The following ZNF532 variants were observed in gnomAD, a reference collection of about 807,000 sequenced individuals.
ZNF532 encodes zinc finger protein 532.
Under a neutral mutation model 89.3 loss-of-function variants are expected in ZNF532, and 22 were observed. The ratio of observed to expected loss-of-function variants is 0.25; its 90% CI spans 0.18 to 0.35. ZNF532 has a LOEUF of 0.35. Among genes scored for constraint, ZNF532 ranks in the 10% least tolerant of loss-of-function variants. The pLI is 1.00. For missense variants in ZNF532, 1,132 were observed against 1,643.4 expected (o/e 0.69, Z 5.38); for synonymous variants, 606 against 649.6 (o/e 0.93, Z 1.02).
intron 2 of ZNF532, among the ~76,000 whole-genome samples, chr18:58,882,279 T>G (rs2071518023): frequency 6.6e-6 from 1 of 152,234 alleles, no homozygotes; most frequent in African/African-American, 2.4e-5. Flanking sequence ...ATTTGTTAAC[T>G]TGTTCTTTCC....
intron 6 of ZNF532, among the ~76,000 whole-genome samples, chr18:58,950,305 C>T (rs2064039362): frequency 6.6e-6 from 1 of 152,072 alleles, no homozygotes; most frequent in South Asian, 2.1e-4. Flanking sequence ...ATCCTGTGGC[C>T]ACAAGGAGGA....
At chr18:58,968,828 A>C (rs2066182840) in intron 7 of ZNF532, among the ~76,000 whole-genome samples, 1 of 152,324 alleles carries the variant, frequency 6.6e-6, no homozygotes, top group East Asian at 1.9e-4. Context: ...TTGGCCTAGA[A>C]TATAACTGTC....
Position 58,885,075 on chromosome 18 carries a change from G to A in ZNF532, c.-18+19496G>A, listed in dbSNP as rs369276809. Among the ~76,000 whole-genome samples, 11 of 148,494 alleles carry A rather than the reference G, an allele frequency of 7.4e-5. No homozygotes were observed. The South Asian group carries it at 1.1e-3, about 15-fold the overall frequency. On this transcript the variant is annotated intron_variant, in intron 2 of 9. Coordinates refer to ENST00000591808, the MANE Select transcript of ZNF532 (RefSeq NM_001375912.1). The stretch of plus-strand genomic sequence containing the variant: ...ATGATCACGGCTCACCGCAGCCTCC[G>A]CCTCCTGGGTTCAAGCGATTCTCTT...
chr18:58,917,887 CA>C (rs2060720044), intron 2 of ZNF532, among the ~76,000 whole-genome samples: 1 of 152,046 alleles, frequency 6.6e-6, no homozygotes, highest in African/African-American at 2.4e-5. Flanking sequence ...ATAATTTTGC[CA>C]GCAGAATTAA....
At chr18:58,920,880 G>T (rs2061015799) in intron 3 of ZNF532, among the ~76,000 whole-genome samples, 1 of 152,010 alleles carries the variant, frequency 6.6e-6, no homozygotes, top group African/African-American at 2.4e-5. Flanking sequence ...AGCTGGGGAT[G>T]TGGTGGTGGC....
intron 2 of ZNF532, among the ~76,000 whole-genome samples, chr18:58,881,914 A>G (rs199798629): frequency 1.3e-5 from 2 of 152,300 alleles, no homozygotes; most frequent in East Asian, 3.9e-4. Flanking sequence ...TACAATACAA[A>G]TAGCTTCTTT....
At chr18:58,871,998 A>T (rs1251599221) in intron 2 of ZNF532, among the ~76,000 whole-genome samples, 1 of 152,240 alleles carries the variant, frequency 6.6e-6, no homozygotes, top group South Asian at 2.1e-4. Flanking sequence ...AGTTTAAAGA[A>T]TTCTTTGAAT....
intron 7 of ZNF532, among the ~76,000 whole-genome samples, chr18:58,961,982 T>C (rs965525075): frequency 6.6e-6 from 1 of 152,068 alleles, no homozygotes; most frequent in Non-Finnish European, 1.5e-5. Context: ...CCCAGCACTT[T>C]TGGGAGTCCG....
intron 5 of ZNF532, among the ~76,000 whole-genome samples, chr18:58,941,256 A>G (rs2062995212): frequency 6.6e-6 from 1 of 152,144 alleles, no homozygotes; most frequent in African/African-American, 2.4e-5. Flanking sequence ...GTACTAATGT[A>G]GCCTTTCCCC....
chr18:58,959,774 G>A (rs2065169980), intron 7 of ZNF532, among the ~76,000 whole-genome samples: 1 of 152,122 alleles, frequency 6.6e-6, no homozygotes, highest in Admixed American at 6.5e-5. Context: ...TAAAATGAAA[G>A]CATGTAGCAC....
At chr18:58,901,258 T>C (rs1338710981) in intron 2 of ZNF532, among the ~76,000 whole-genome samples, 1 of 152,196 alleles carries the variant, frequency 6.6e-6, no homozygotes, top group African/African-American at 2.4e-5. Flanking sequence ...TCTAGCACTT[T>C]TCTTTTTTTC....
intron 2 of ZNF532, among the ~76,000 whole-genome samples, chr18:58,902,656 C>T (rs774559377): frequency 1.8e-4 from 28 of 152,000 alleles, no homozygotes; most frequent in Non-Finnish European, 3.5e-4. Flanking sequence ...CCACACCCAG[C>T]TAATTTTGTA....
intron 3 of ZNF532, among the ~76,000 whole-genome samples, chr18:58,927,260 A>G (rs2061601164): frequency 6.6e-6 from 1 of 152,242 alleles, no homozygotes; most frequent in African/African-American, 2.4e-5. Context: ...ACGTTGGGAC[A>G]GACAGCTCAT....
rs375133893 is a variant in ZNF532, at chr18:58,953,779, G to T, written c.3130G>T (p.Val1044Leu). The change falls in exon 7 of 10, where the codon GTG (valine) becomes TTG (leucine). Residue 1044 changes from valine to leucine, a missense_variant. Coordinates refer to ENST00000591808, the MANE Select transcript of ZNF532 (RefSeq NM_001375912.1). ...FMQRDVYISHVRKEHGKQMKK... is the reference protein window; with the variant it reads ...FMQRDVYISHLRKEHGKQMKK... Reference sequence around the variant, plus strand: ...GCAGAGAGATGTGTACATATCCCACGTGAGGAAGGAGCACGGGAAGGTCAG... The same window carrying T: ...GCAGAGAGATGTGTACATATCCCACTTGAGGAAGGAGCACGGGAAGGTCAG... 1 of 1,612,958 alleles carries T rather than the reference G, an allele frequency of 6.2e-7. No homozygotes were observed. Among genetic ancestry groups the T allele is most frequent in the Admixed American group, 1.7e-5 (1 of 59,976 alleles).
intron 5 of ZNF532, among the ~76,000 whole-genome samples, chr18:58,942,349 C>CCCTTCCTTCCTTCCTTCCTTCCTT (rs1179053195): frequency 1.9e-4 from 8 of 43,184 alleles, no homozygotes; most frequent in Non-Finnish European, 2.5e-4. Context: ...CTCCCTCCCT[C>CCCTTCCTTCCTTCCTTCCTTCCTT]CCTTCCTTCC....
At position 58,932,428 on chromosome 18, in the gene ZNF532, G is replaced by A. The variant is rs550695801; in HGVS notation, c.2347-2005G>A. The A allele has an allele frequency of 5.9e-5, 9 of 152,216 alleles. No individual in the cohort carries two copies. In the South Asian group the frequency reaches 8.3e-4, roughly 14 times the overall value. The allele number at this position is 152,216 out of a possible 1,614,324, so 9.4% of individuals were successfully genotyped here. A position where few individuals can be genotyped will look rare whatever the true frequency, so the allele number is the denominator to read the frequency against. On this transcript the variant is annotated intron_variant, in intron 3 of 9. Coordinates refer to ENST00000591808, the MANE Select transcript of ZNF532 (RefSeq NM_001375912.1). ...TTAGATTTTCTTTCCATTTTCTACC[G>A]TTCTAAAGTAGTGCAATCACATTAC...
rs200246142 is a variant in ZNF532 at position 58,934,969 on chromosome 18, C to T, written c.2528+355C>T. 9.9e-5 allele frequency among the ~76,000 whole-genome samples: 15 copies of T among 152,234 alleles called. No homozygotes were observed. The East Asian group carries it at 2.9e-3, about 29-fold the overall frequency. ...CAAGAAAACTATACATTCCGCACCT[C>T]TTAATATTTCCCCTTCTCTAATGAA... On this transcript the variant is annotated intron_variant, in intron 4 of 9. Transcript: ENST00000591808.
intron 2 of ZNF532, among the ~76,000 whole-genome samples, chr18:58,876,682 A>G (rs1268930662): frequency 2.0e-5 from 3 of 152,170 alleles, no homozygotes; most frequent in Non-Finnish European, 4.4e-5. Context: ...AAGAATTTTA[A>G]TATTGTGATT....
chr18:58,932,440 T>G (rs2062040034), intron 3 of ZNF532: 1 of 152,252 alleles, frequency 6.6e-6, no homozygotes, highest in Non-Finnish European at 1.5e-5. Context: ...TCTAAAGTAG[T>G]GCAATCACAT....
Sources: gnomAD v4.1 joint callset for allele counts (sites outside exome capture counted in the v4.1 genomes callset) on GRCh38, gnomAD v4.1.1 for gene constraint, MANE v1.5 for transcripts, NCBI Gene and HGNC (gene_info 2026-07-23, HGNC 2026-07-21) for gene names.